Variants in RAB18 observed in about 807,000 individuals in gnomAD.
The protein encoded by RAB18 is RAB18, member RAS oncogene family, also known as ras-related protein Rab-18.
RAB18 carries 10 observed loss-of-function variants against 28.5 expected under a neutral mutation model. The ratio of observed to expected loss-of-function variants is 0.35; its 90% CI spans 0.22 to 0.60. The LOEUF is 0.60. Among genes scored for constraint, RAB18 ranks in the 20% least tolerant of loss-of-function variants. The pLI is 0.78. For missense variants in RAB18, 188 were observed against 244.2 expected, an observed-to-expected ratio of 0.77 and a Z score of 1.53; for synonymous variants, 93 against 86.9, an observed-to-expected ratio of 1.07 and a Z score of -0.39.
chr10:27,506,912 A>T (rs984923010), intron 1 of RAB18, among the ~76,000 whole-genome samples: 1 of 151,910 alleles, frequency 6.6e-6, no homozygotes, highest in East Asian at 2.0e-4. Flanking sequence ...TCGATGCAGG[A>T]TTTTGTCACT....
In RAB18 at chr10:27,539,752, C is replaced by T. The variant is rs1477847628; in HGVS notation, c.*1701C>T. 2 of 449,998 alleles carry T rather than the reference C, an allele frequency of 4.4e-6. No homozygotes were observed. The highest frequency in any genetic ancestry group is 8.9e-6 in the Non-Finnish European group (2 of 225,646). 27.9% of individuals were successfully genotyped at this position (449,998 alleles called of 1,614,324 possible). On this transcript the variant is annotated 3_prime_UTR_variant, in exon 7 of 7. Coordinates refer to ENST00000356940, the MANE Select transcript of RAB18 (RefSeq NM_021252.5). ...ATATATATGAGTTACTTGAATATAA[C>T]AAAAATGAATTTTGTTTGATAGATT...
At chr10:27,527,348 G>T (rs1031638489) in intron 3 of RAB18, among the ~76,000 whole-genome samples, 1 of 151,966 alleles carries the variant, frequency 6.6e-6, no homozygotes, top group Non-Finnish European at 1.5e-5. Flanking sequence ...TTAATGCCTC[G>T]TTTTTCCTTA....
intron 2 of RAB18, among the ~76,000 whole-genome samples, chr10:27,526,541 G>C (rs561264931): frequency 6.6e-6 from 1 of 152,148 alleles, no homozygotes; most frequent in African/African-American, 2.4e-5. Flanking sequence ...CTTTTAACAC[G>C]CATAGTGAGT....
chr10:27,507,934 TTGGGGGGCTAAGG>T (rs966405045), intron 1 of RAB18, among the ~76,000 whole-genome samples: 10 of 151,598 alleles, frequency 6.6e-5, no homozygotes, highest in African/African-American at 2.4e-4. Flanking sequence ...TGCCAGTTAC[TTGGGGGGCTAAGG>T]TGGGAGGATT....
In RAB18 at chr10:27,539,097, C is replaced by T. The variant is rs540897162; in HGVS notation, c.*1046C>T. On this transcript the variant is annotated 3_prime_UTR_variant, in exon 7 of 7. Coordinates refer to ENST00000356940, the MANE Select transcript of RAB18 (RefSeq NM_021252.5). The stretch of plus-strand genomic sequence containing the variant: ...TCACAATGAAAATCTTGACAATTTA[C>T]TTAACAAGTAACCAGTAGTTCATCA... 2.4e-6 allele frequency: 1 copy of T among 421,414 alleles called. No homozygotes were observed. Among genetic ancestry groups the T allele is most frequent in the Admixed American group, 2.7e-5 (1 of 37,114 alleles). 26.1% of individuals were successfully genotyped at this position (421,414 alleles called of 1,614,324 possible).
chr10:27,536,538 AAAAAC>A (rs1302455332), intron 6 of RAB18, among the ~76,000 whole-genome samples: 5 of 152,172 alleles, frequency 3.3e-5, no homozygotes, highest in Admixed American at 2.0e-4. Context: ...ACCCTGTCTC[AAAAAC>A]AAAACAAAAC....
chr10:27,538,019 G>A lies in RAB18; in HGVS notation c.589G>A (p.Gly197Arg). Residue 197 changes from glycine (G) to arginine (R), a missense_variant, in exon 7 of 7, where the codon GGA (glycine) becomes AGA (arginine). Physicochemically the swap from Gly to Arg is moderately radical, Grantham distance 125. Transcript: ENST00000356940. ...ACACAGGGAAGAAGGCCAAGGAGGAGGAGCCTGTGGTGGTTATTGCTCTGT... is the reference window on the plus strand; with the variant it reads ...ACACAGGGAAGAAGGCCAAGGAGGAAGAGCCTGTGGTGGTTATTGCTCTGT... ...LSHREEGQGG[G>R]ACGGYCSVL 6.2e-7 allele frequency: 1 copy of A among 1,614,162 alleles called. No homozygotes were observed. The highest frequency in any genetic ancestry group is 1.1e-5 in the South Asian group (1 of 91,086).
At chr10:27,524,704 G>A (rs1203446937) in intron 2 of RAB18, among the ~76,000 whole-genome samples, 1 of 152,208 alleles carries the variant, frequency 6.6e-6, no homozygotes, top group African/African-American at 2.4e-5. Context: ...ATCAAATTGG[G>A]TAAGAAACTG....
intron 2 of RAB18, among the ~76,000 whole-genome samples, chr10:27,524,137 T>C (rs2132394092): frequency 6.6e-6 from 1 of 152,286 alleles, no homozygotes; most frequent in East Asian, 1.9e-4. Flanking sequence ...GCTGTTTTGC[T>C]GGGGCTGGTC....
chr10:27,517,838 C>T (rs1834468912), intron 2 of RAB18, among the ~76,000 whole-genome samples: 1 of 152,140 alleles, frequency 6.6e-6, no homozygotes, highest in African/African-American at 2.4e-5. Flanking sequence ...TGGTGCTATC[C>T]CTTTCTGTTC....
chr10:27,536,239 T>C (rs945328748), intron 6 of RAB18, among the ~76,000 whole-genome samples: 2 of 152,144 alleles, frequency 1.3e-5, no homozygotes, highest in African/African-American at 4.8e-5. Flanking sequence ...GACATAAGAA[T>C]GAGACATTTT....
At chr10:27,535,440 T>C (rs973916641) in intron 6 of RAB18, among the ~76,000 whole-genome samples, 3 of 152,100 alleles carry the variant, frequency 2.0e-5, no homozygotes, top group Non-Finnish European at 2.9e-5. Flanking sequence ...CAGGCTACTG[T>C]GTTAAAGGAA....
intron 2 of RAB18, among the ~76,000 whole-genome samples, chr10:27,519,335 T>C (rs547951652): frequency 1.3e-5 from 2 of 152,168 alleles, no homozygotes; most frequent in African/African-American, 4.8e-5. Flanking sequence ...AACATCATAC[T>C]TAATGATAAA....
intron 4 of RAB18, 31 bp from the exon 5 acceptor site, chr10:27,533,704 C>T (rs111354474): frequency 8.7e-6 from 14 of 1,608,904 alleles, no homozygotes; most frequent in African/African-American, 1.3e-5. Flanking sequence ...TTCTTTAATG[C>T]TTATTTAACA....
At chr10:27,522,066 G>A (rs1834570449) in intron 2 of RAB18, among the ~76,000 whole-genome samples, 1 of 152,006 alleles carries the variant, frequency 6.6e-6, no homozygotes, top group African/African-American at 2.4e-5. Context: ...AATGTAATTT[G>A]TGGGGAAAAA....
At chr10:27,507,334 G>C (rs1196025692) in intron 1 of RAB18, among the ~76,000 whole-genome samples, 1 of 152,214 alleles carries the variant, frequency 6.6e-6, no homozygotes, top group African/African-American at 2.4e-5. Flanking sequence ...GCTGCCACTT[G>C]TGTGACCTTG....
intron 2 of RAB18, among the ~76,000 whole-genome samples, chr10:27,524,254 T>A (rs1834628852): frequency 6.6e-6 from 1 of 152,156 alleles, no homozygotes; most frequent in African/African-American, 2.4e-5. Context: ...GAAAGTTCTG[T>A]TTGATCCTTT....
chr10:27,504,579 G>C, intron 1 of RAB18, 142 bp downstream of exon 1: 1 of 983,616 alleles, frequency 1.0e-6, no homozygotes, highest in Non-Finnish European at 1.6e-6. Context: ...CGGCCTCTGG[G>C]CCGCGCTCTC....
chr10:27,527,651 T>G (rs1377641038), intron 3 of RAB18, among the ~76,000 whole-genome samples: 1 of 152,048 alleles, frequency 6.6e-6, no homozygotes, highest in Admixed American at 6.6e-5. Flanking sequence ...GTGATAATTA[T>G]ACATATATGT....
Sources: allele counts gnomAD v4.1 joint callset (sites outside exome capture counted in the v4.1 genomes callset), GRCh38; gene constraint gnomAD v4.1.1; transcripts MANE v1.5; gene names NCBI Gene and HGNC (gene_info 2026-07-23, HGNC 2026-07-21).